MAPK9: variants seen among roughly 807,000 people sequenced by gnomAD.
MAPK9 encodes the protein Jun kinase.
A neutral mutation model predicts 57.1 loss-of-function variants in MAPK9; 30 were observed. The ratio of observed to expected loss-of-function variants is 0.53; its 90% CI spans 0.39 to 0.71. The LOEUF is 0.71. Among genes scored for constraint, MAPK9 ranks in the 30% least tolerant of loss-of-function variants. The probability of loss-of-function intolerance (pLI) is 0.00; values close to 1 mark genes in which losing one functional copy is unlikely to be tolerated. For missense variants in MAPK9, 362 were observed against 521.0 expected (o/e 0.69, Z 2.97); for synonymous variants, 155 against 177.0 (o/e 0.88, Z 0.99).
At chr5:180,276,755 G>A (rs2127616672) in intron 2 of MAPK9, among the ~76,000 whole-genome samples, 1 of 152,330 alleles carries the variant, frequency 6.6e-6, no homozygotes, top group Middle Eastern at 3.4e-3. Context: ...TCGGGAGGCT[G>A]AGGCAGGAGA....
At chr5:180,286,107 A>G (rs1484621221) in intron 1 of MAPK9, among the ~76,000 whole-genome samples, 2 of 149,928 alleles carry the variant, frequency 1.3e-5, no homozygotes, top group Non-Finnish European at 3.0e-5. Flanking sequence ...AAAAATTTAA[A>G]AAGTTCTATT....
intron 3 of MAPK9, 116 bp from the exon 4 acceptor site, chr5:180,264,955 C>A (rs200381227): frequency 3.2e-5 from 17 of 531,694 alleles, no homozygotes; most frequent in Admixed American, 6.3e-5. Flanking sequence ...TTCAGTACTT[C>A]TTATTATTAC....
In MAPK9 at chr5:180,233,410, A is replaced by C. The variant is rs1188856606; in HGVS notation, c.*2974T>G. ...ACACAGATTTAGGAATTTGCAGAAT[A>C]TTTTCAATAAGAGAACAAACAGCAA... On this transcript the variant is annotated 3_prime_UTR_variant, in exon 12 of 12. Coordinates refer to ENST00000452135, the MANE Select transcript of MAPK9 (RefSeq NM_002752.5). 2 of 152,178 alleles carry C rather than the reference A, an allele frequency of 1.3e-5. No homozygotes were observed. Among genetic ancestry groups the C allele is most frequent in the African/African-American group, 2.4e-5 (1 of 41,448 alleles). 9.4% of individuals were successfully genotyped at this position (152,178 alleles called of 1,614,324 possible). A position where few individuals can be genotyped will look rare whatever the true frequency, so the allele number is the denominator to read the frequency against.
intron 2 of MAPK9, among the ~76,000 whole-genome samples, chr5:180,269,994 C>A (rs1367681522): frequency 6.6e-6 from 1 of 152,206 alleles, no homozygotes; most frequent in African/African-American, 2.4e-5. Flanking sequence ...ACTATCTCCT[C>A]CTACTACTAT....
At chr5:180,268,116 A>ATG (rs1561826263) in intron 3 of MAPK9, among the ~76,000 whole-genome samples, 5 of 152,116 alleles carry the variant, frequency 3.3e-5, no homozygotes, top group African/African-American at 1.2e-4. Context: ...GAGCCACTGC[A>ATG]CCCGGCCAAC....
At chr5:180,267,731 G>A (rs1760779519) in intron 3 of MAPK9, among the ~76,000 whole-genome samples, 3 of 152,126 alleles carry the variant, frequency 2.0e-5, no homozygotes, top group African/African-American at 4.8e-5. Context: ...CAAGCATGGT[G>A]GCGCACGCCT....
At chr5:180,269,251 C>T in intron 3 of MAPK9, 29 bp downstream of exon 3, 1 of 1,604,056 alleles carries the variant, frequency 6.2e-7, no homozygotes. Flanking sequence ...AATATGGAAG[C>T]ACACAGACAA....
Position 180,262,350 on chromosome 5 carries a change from G to T in MAPK9, c.312-528C>A, listed in dbSNP as rs1257533062. Among the ~76,000 whole-genome samples, 3 of 146,100 alleles carry T rather than the reference G, an allele frequency of 2.1e-5. No individual in the cohort carries two copies. The Admixed American group carries it at 2.1e-4, about 10-fold the overall frequency. On this transcript the variant is annotated intron_variant, in intron 4 of 11. Coordinates refer to ENST00000452135, the MANE Select transcript of MAPK9 (RefSeq NM_002752.5). ...CCCACTCCCCGCTTAGCAACGCCCC[G>T]ATTCTTTGCTCCCTTTGCAAGCAAA... is the stretch of plus-strand genomic sequence containing the variant.
intron 5 of MAPK9, among the ~76,000 whole-genome samples, chr5:180,255,881 G>A (rs894435408): frequency 2.6e-5 from 4 of 152,186 alleles, no homozygotes; most frequent in African/African-American, 9.7e-5. Context: ...TGCTTCTAGG[G>A]AGAGAGAAAT....
chr5:180,258,548 G>T (rs1759545076), intron 5 of MAPK9, among the ~76,000 whole-genome samples: 1 of 152,166 alleles, frequency 6.6e-6, no homozygotes, highest in Admixed American at 6.5e-5. Context: ...ACACATATTG[G>T]AGAGAAATCC....
At chr5:180,250,961 GCTT>G (rs1758620373) in intron 5 of MAPK9, among the ~76,000 whole-genome samples, 1 of 152,220 alleles carries the variant, frequency 6.6e-6, no homozygotes, top group East Asian at 1.9e-4. Flanking sequence ...GAACGAATTC[GCTT>G]CTTGTTTCCT....
intron 2 of MAPK9, chr5:180,279,701 A>G: frequency 2.7e-6 from 1 of 366,324 alleles, no homozygotes; most frequent in Non-Finnish European, 5.4e-6. Flanking sequence ...AAGAAAAAGA[A>G]AAAGAAAAAA....
intron 6 of MAPK9, among the ~76,000 whole-genome samples, chr5:180,248,608 A>T (rs1222199170): frequency 6.6e-6 from 1 of 152,224 alleles, no homozygotes; most frequent in Non-Finnish European, 1.5e-5. Flanking sequence ...ACTGGAGATC[A>T]GGAGATTGGC....
chr5:180,288,791 G>A (rs1207775467), intron 1 of MAPK9, among the ~76,000 whole-genome samples: 1 of 152,190 alleles, frequency 6.6e-6, no homozygotes, highest in African/African-American at 2.4e-5. Flanking sequence ...TGATATTTAG[G>A]ATTTGCTTGA....
chr5:180,248,087 C>T (rs1199076503), intron 6 of MAPK9, among the ~76,000 whole-genome samples: 2 of 152,218 alleles, frequency 1.3e-5, no homozygotes, highest in African/African-American at 2.4e-5. Flanking sequence ...TAGACTGCCC[C>T]GTCAGAAAGG....
intron 6 of MAPK9, 95 bp downstream of exon 6, chr5:180,248,878 A>T: frequency 7.3e-7 from 1 of 1,361,052 alleles, no homozygotes; most frequent in Non-Finnish European, 1.0e-6. Flanking sequence ...CCCACAGTAT[A>T]TATCATATGG....
chr5:180,269,321 A>C lies in MAPK9; in HGVS notation c.211T>G (p.Tyr71Asp). ...CATTTTAAGAGGACAAGTTCACGATAAGCTCTCTTTGCATGAGTTTGGTTC... is the reference window on the plus strand; with the variant it reads ...CATTTTAAGAGGACAAGTTCACGATCAGCTCTCTTTGCATGAGTTTGGTTC... ...FQNQTHAKRA[Y>D]RELVLLKCVN... Residue 71 changes from tyrosine to aspartate, a missense_variant, in exon 3 of 12, where the codon TAT becomes GAT. Physicochemically the swap from Tyr to Asp is radical, Grantham distance 160. Transcript: ENST00000452135. 6.2e-7 allele frequency: 1 copy of C among 1,614,066 alleles called. No individual in the cohort carries two copies. Among genetic ancestry groups the C allele is most frequent in the South Asian group, 1.1e-5 (1 of 91,086 alleles).
intron 1 of MAPK9, among the ~76,000 whole-genome samples, chr5:180,289,747 T>G (rs139191119): frequency 6.6e-6 from 1 of 152,236 alleles, no homozygotes; most frequent in African/African-American, 2.4e-5. Context: ...TCCTGGAGGA[T>G]GACGATCCTG....
chr5:180,247,548 A>G lies in MAPK9; in HGVS notation c.617-38T>C. The G allele has an allele frequency of 2.5e-6, 4 of 1,570,068 alleles. No homozygotes were observed. In the African/African-American group the frequency reaches 5.4e-5, roughly 21 times the overall value. On this transcript the variant is annotated intron_variant, in intron 6 of 11. Coordinates refer to ENST00000452135, the MANE Select transcript of MAPK9 (RefSeq NM_002752.5). The surrounding 1 kb of genome is among the most constrained non-coding windows in gnomAD (Gnocchi z 4.5). The stretch of plus-strand genomic sequence containing the variant: ...TGAAATGATAAAATTATGAAGTGCC[A>G]TGAACAAAACAAAAGTGAGGAAAAG...
Sources: allele counts gnomAD v4.1 joint callset (sites outside exome capture counted in the v4.1 genomes callset), GRCh38; gene constraint gnomAD v4.1.1; non-coding constraint Gnocchi (gnomAD v3.1); transcripts MANE v1.5; gene names NCBI Gene and HGNC (gene_info 2026-07-23, HGNC 2026-07-21).